Variants in MAP4K4 observed in about 807,000 individuals in gnomAD.
MAP4K4 encodes the protein mitogen-activated protein kinase kinase kinase kinase 4.
Under a neutral mutation model 189.6 loss-of-function variants are expected in MAP4K4, and 38 were observed. The observed-to-expected ratio is 0.20, with a 90% CI of 0.15 to 0.26. MAP4K4 has a LOEUF of 0.26. Among genes scored for constraint, MAP4K4 ranks in the 10% least tolerant of loss-of-function variants. The pLI is 1.00. For synonymous variants in MAP4K4, 610 were observed against 624.3 expected (o/e 0.98, Z 0.34); for missense variants, 1,054 against 1,726.9 (o/e 0.61, Z 6.91).
At chr2:101,756,583 T>C (rs1355836828) in intron 2 of MAP4K4, among the ~76,000 whole-genome samples, 2 of 152,134 alleles carry the variant, frequency 1.3e-5, no homozygotes, top group Non-Finnish European at 2.9e-5. Flanking sequence ...TTGAGACAGC[T>C]TCACTTTGTT....
chr2:101,890,920 G>A (rs779930980), intron 32 of MAP4K4, among the ~76,000 whole-genome samples: 1 of 151,558 alleles, frequency 6.6e-6, no homozygotes, highest in African/African-American at 2.4e-5. Flanking sequence ...GCCACCACAT[G>A]GTATTTTTAG....
intron 8 of MAP4K4, 63 bp from the exon 9 acceptor site, chr2:101,835,837 A>G (rs1421683579): frequency 9.1e-7 from 1 of 1,096,882 alleles, no homozygotes; most frequent in Non-Finnish European, 1.4e-6. Flanking sequence ...TTATGACTGA[A>G]CCCTAGAAAT....
At position 101,726,235 on chromosome 2, in the gene MAP4K4, A is replaced by G. The variant is rs2055318142; in HGVS notation, c.123+27697A>G. ...ATTCACTTTGAGAGTTCAGAATTAAAAAGGGTCTTTGCACTTATTTCTAGT... is the reference window on the plus strand; with the variant it reads ...ATTCACTTTGAGAGTTCAGAATTAAGAAGGGTCTTTGCACTTATTTCTAGT... On this transcript the variant is annotated intron_variant, in intron 2 of 32. Coordinates refer to ENST00000324219, the Ensembl canonical transcript of MAP4K4. Among the ~76,000 whole-genome samples the G allele has an allele frequency of 3.3e-5, 5 of 152,240 alleles. No homozygotes were observed. In the South Asian group the frequency reaches 1.0e-3, roughly 31 times the overall value.
intron 2 of MAP4K4, among the ~76,000 whole-genome samples, chr2:101,736,354 C>G (rs1449141194): frequency 6.6e-6 from 1 of 152,132 alleles, no homozygotes; most frequent in Non-Finnish European, 1.5e-5. Flanking sequence ...TCTGCCATCC[C>G]CTGCTTCTTG....
At chr2:101,717,984 T>C (rs10177289) in intron 2 of MAP4K4, among the ~76,000 whole-genome samples, 113,820 of 151,736 alleles carry the variant, frequency 0.75, 43,167 homozygotes, top group African/African-American at 0.88. Flanking sequence ...TGGCCAGGCA[T>C]GGTGGCTTAT....
At chr2:101,755,358 A>C (rs1394580793) in intron 2 of MAP4K4, among the ~76,000 whole-genome samples, 3 of 152,176 alleles carry the variant, frequency 2.0e-5, no homozygotes, top group Non-Finnish European at 4.4e-5. Context: ...AAATACAGCA[A>C]AGGAAAAGGC....
At chr2:101,885,411 C>G (rs1174121337) in intron 29 of MAP4K4, 124 bp downstream of exon 29, 1 of 559,684 alleles carries the variant, frequency 1.8e-6, no homozygotes, top group Non-Finnish European at 3.2e-6. Context: ...GCTAATATAG[C>G]ATATAACTTT....
At chr2:101,767,658 A>G (rs909182517) in intron 2 of MAP4K4, among the ~76,000 whole-genome samples, 14 of 152,170 alleles carry the variant, frequency 9.2e-5, no homozygotes, top group Non-Finnish European at 2.1e-4. Flanking sequence ...CTCTGTTTTT[A>G]TCTAGCTCAG....
chr2:101,837,858 G>A lies in MAP4K4; in HGVS notation c.773+1880G>A, dbSNP rs531893848. Reference sequence around the variant, plus strand: ...CATATAGTGATACAAAGATACAGTGGTAGACAGCAATGAATGCTTCCTGTA... The same window carrying A: ...CATATAGTGATACAAAGATACAGTGATAGACAGCAATGAATGCTTCCTGTA... On this transcript the variant is annotated intron_variant, in intron 9 of 32. Transcript: ENST00000324219. Among the ~76,000 whole-genome samples, 3 of 152,286 alleles carry A rather than the reference G, an allele frequency of 2.0e-5. No homozygotes were observed. The East Asian group carries it at 5.8e-4, about 29-fold the overall frequency.
At chr2:101,834,363 T>G (rs1329695833) in intron 7 of MAP4K4, 46 bp from the exon 8 acceptor site, 1 of 1,443,604 alleles carries the variant, frequency 6.9e-7, no homozygotes, top group South Asian at 1.2e-5. Context: ...AGTTAGTGGC[T>G]TTGTATCTAC....
rs2096624424 is a variant in MAP4K4 at position 101,832,679 on chromosome 2, C to T, written c.639+828C>T. Among the ~76,000 whole-genome samples, 3 of 152,044 alleles carry T rather than the reference C, an allele frequency of 2.0e-5. 1 individual carries two copies. Among genetic ancestry groups the T allele is most frequent in the Non-Finnish European group, 4.4e-5 (3 of 68,002 alleles). The stretch of plus-strand genomic sequence containing the variant: ...GGCATTCCCCAAATAATTATTATAC[C>T]TAAGTAAATACAAATAATTAATACA... On this transcript the variant is annotated intron_variant, in intron 7 of 32. Coordinates refer to ENST00000324219, the Ensembl canonical transcript of MAP4K4.
chr2:101,892,207 T>G (rs1553603149), exon 33 of MAP4K4: 2 of 152,610 alleles, frequency 1.3e-5, no homozygotes, highest in Non-Finnish European at 2.9e-5. Flanking sequence ...ATTTTTTTTT[T>G]GCCTACCTCA....
At chr2:101,783,715 C>T (rs947400537) in intron 2 of MAP4K4, among the ~76,000 whole-genome samples, 9 of 152,182 alleles carry the variant, frequency 5.9e-5, no homozygotes, top group East Asian at 1.9e-4. Context: ...AAAAAGTCAA[C>T]GAACAAATAT....
chr2:101,882,674 A>G (rs376509260), exon 28 of MAP4K4: 4 of 1,584,366 alleles, frequency 2.5e-6, no homozygotes, highest in South Asian at 1.2e-5. Flanking sequence ...GGATGTGTAC[A>G]TTATAAAGTT....
intron 29 of MAP4K4, among the ~76,000 whole-genome samples, chr2:101,886,790 C>A (rs2098490871): frequency 6.6e-6 from 1 of 152,100 alleles, no homozygotes; most frequent in Non-Finnish European, 1.5e-5. Context: ...GCCTGTAATT[C>A]CAGCACTTTG....
At chr2:101,818,032 G>A (rs1475013673) in intron 3 of MAP4K4, among the ~76,000 whole-genome samples, 1 of 152,112 alleles carries the variant, frequency 6.6e-6, no homozygotes, top group Non-Finnish European at 1.5e-5. Flanking sequence ...AAGTTGTAAT[G>A]TGATGTGCCT....
At chr2:101,712,073 CAT>C (rs1389424081) in intron 2 of MAP4K4, among the ~76,000 whole-genome samples, 1 of 151,162 alleles carries the variant, frequency 6.6e-6, no homozygotes, top group African/African-American at 2.4e-5. Context: ...GTTTGTAGCA[CAT>C]GTTTTTAACT....
intron 2 of MAP4K4, among the ~76,000 whole-genome samples, chr2:101,764,027 C>T (rs773412942): frequency 6.6e-6 from 1 of 151,654 alleles, no homozygotes; most frequent in African/African-American, 2.4e-5. Flanking sequence ...TCATCTTTGT[C>T]ACGTGGGGCT....
intron 31 of MAP4K4, among the ~76,000 whole-genome samples, chr2:101,888,219 G>A (rs1254404701): frequency 6.6e-6 from 1 of 152,082 alleles, no homozygotes; most frequent in Non-Finnish European, 1.5e-5. Flanking sequence ...ACATGTTTTT[G>A]TTGACCACTT....
Sources: gnomAD v4.1 joint callset for allele counts (sites outside exome capture counted in the v4.1 genomes callset) on GRCh38, gnomAD v4.1.1 for gene constraint, MANE v1.5 for transcripts, NCBI Gene and HGNC (gene_info 2026-07-23, HGNC 2026-07-21) for gene names.